ASTN1: variants seen among roughly 807,000 people sequenced by gnomAD.
The protein encoded by ASTN1 is astrotactin 1.
ASTN1 carries 41 observed loss-of-function variants against 140.7 expected under a neutral mutation model. The ratio of observed to expected loss-of-function variants is 0.29; its 90% CI spans 0.23 to 0.38. The LOEUF is 0.38. Among genes scored for constraint, ASTN1 ranks in the 10% least tolerant of loss-of-function variants. The probability of loss-of-function intolerance (pLI) is 1.00; values close to 1 mark genes in which losing one functional copy is unlikely to be tolerated. For missense variants in ASTN1, 1,479 were observed against 1,678.8 expected, an observed-to-expected ratio of 0.88 and a Z score of 2.08; for synonymous variants, 640 against 652.2, an observed-to-expected ratio of 0.98 and a Z score of 0.29.
At chr1:177,019,010 G>T (rs1432773479) in intron 7 of ASTN1, among the ~76,000 whole-genome samples, 2 of 152,330 alleles carry the variant, frequency 1.3e-5, no homozygotes, top group Non-Finnish European at 2.9e-5. Flanking sequence ...GCATCAGGGG[G>T]CTGGGGCTCT....
chr1:177,106,954 G>A (rs1680573598), intron 1 of ASTN1, among the ~76,000 whole-genome samples: 1 of 152,222 alleles, frequency 6.6e-6, no homozygotes, highest in Non-Finnish European at 1.5e-5. Context: ...CTGGGAGCCA[G>A]TGGCAAAGCC....
At chr1:176,887,003 CG>C (rs1297244628) in intron 18 of ASTN1, among the ~76,000 whole-genome samples, 6 of 152,178 alleles carry the variant, frequency 3.9e-5, no homozygotes, top group Non-Finnish European at 7.3e-5. Context: ...AGTTCTGTTT[CG>C]TCTTCCATTG....
At position 176,876,654 on chromosome 1, in the gene ASTN1, G is replaced by A. The variant is rs758273093; in HGVS notation, c.3363-17C>T. The A allele has an allele frequency of 1.2e-6, 2 of 1,612,510 alleles. No individual in the cohort carries two copies. The highest frequency in any genetic ancestry group is 8.5e-7 in the Non-Finnish European group (1 of 1,178,820). The stretch of plus-strand genomic sequence containing the variant: ...AGCGTGAACCTGGCAGGGAGTGGGA[G>A]GGCATGGTTAGCAGAAACAGTGTGG... On this transcript the variant is annotated splice_polypyrimidine_tract_variant and intron_variant, in intron 20 of 22. Coordinates refer to ENST00000361833, the MANE Select transcript of ASTN1 (RefSeq NM_004319.3).
chr1:177,029,407 C>G (rs1484306442), intron 5 of ASTN1: 1 of 735,546 alleles, frequency 1.4e-6, no homozygotes, highest in African/African-American at 1.7e-5. Flanking sequence ...AATTTGGAAA[C>G]TTGTTTGAGA....
chr1:176,884,595 C>T (rs139278400), intron 18 of ASTN1, 105 bp from the exon 19 acceptor site: 22,291 of 1,293,866 alleles, frequency 0.017, 241 homozygotes, highest in Non-Finnish European at 0.022. Context: ...TCCCAACCAA[C>T]TACAAAAATG....
chr1:176,922,098 C>T (rs6670777), intron 16 of ASTN1, among the ~76,000 whole-genome samples: 42,848 of 151,936 alleles, frequency 0.28, 6,090 homozygotes, highest in African/African-American at 0.32. Flanking sequence ...CCCTTATGCC[C>T]CGGAGAATAT....
intron 1 of ASTN1, among the ~76,000 whole-genome samples, chr1:177,064,227 A>G (rs565285124): frequency 2.0e-5 from 3 of 152,322 alleles, no homozygotes; most frequent in East Asian, 1.9e-4. Flanking sequence ...AGCTAAATCC[A>G]TGTAGTCATT....
intron 1 of ASTN1, among the ~76,000 whole-genome samples, chr1:177,149,345 GTATATATATAGTAAATA>G (rs1682895284): frequency 1.5e-5 from 1 of 64,680 alleles, no homozygotes; most frequent in African/African-American, 8.6e-5. Context: ...TATATATATA[GTATATATATAGTAAATA>G]TATATATAGT....
At chr1:176,957,869 G>A in intron 10 of ASTN1, 41 bp from the exon 11 acceptor site, 1 of 1,595,784 alleles carries the variant, frequency 6.3e-7, no homozygotes, top group South Asian at 1.1e-5. Flanking sequence ...GAGTCAAGGA[G>A]ATTCCAGATG....
rs1361621384 is a variant in ASTN1, at chr1:176,864,394, T to G, written c.3775A>C (p.Lys1259Gln). The G allele has an allele frequency of 1.9e-5, 31 of 1,614,012 alleles. No homozygotes were observed. Among genetic ancestry groups the G allele is most frequent in the Non-Finnish European group, 2.6e-5 (31 of 1,180,028 alleles). The change falls in exon 23 of 23, where the codon AAA becomes CAA. Residue 1259 changes from lysine (K) to glutamine (Q), a missense_variant. By Grantham distance (53) the Lys-to-Gln change is moderately conservative. This residue lies in a region of ASTN1 where 746 missense variants were observed against 800.9 expected (regional missense o/e 0.93). Transcript: ENST00000361833. ...KYLGCRYSEIKPYGLDWAELS... is the reference protein window; with the variant it reads ...KYLGCRYSEIQPYGLDWAELS... Reference sequence around the variant, plus strand: ...TCCGCCCAGTCAAGTCCGTAGGGTTTGATCTCGCTGTAGCGGCACCCCAGG... The same window carrying G: ...TCCGCCCAGTCAAGTCCGTAGGGTTGGATCTCGCTGTAGCGGCACCCCAGG...
chr1:177,129,624 T>G (rs1208869292), intron 1 of ASTN1, among the ~76,000 whole-genome samples: 1 of 152,210 alleles, frequency 6.6e-6, no homozygotes, highest in Non-Finnish European at 1.5e-5. Context: ...CCCAGTGACG[T>G]GCTAAAAGTC....
chr1:176,996,283 T>TCA (rs1321343706), intron 8 of ASTN1, among the ~76,000 whole-genome samples: 2 of 121,968 alleles, frequency 1.6e-5, no homozygotes, highest in Non-Finnish European at 3.7e-5. Context: ...TCTCTCTCTC[T>TCA]CTCTCTCACA....
intron 1 of ASTN1, among the ~76,000 whole-genome samples, chr1:177,159,160 G>T (rs1230747112): frequency 6.6e-6 from 1 of 151,522 alleles, no homozygotes; most frequent in Non-Finnish European, 1.5e-5. Flanking sequence ...TAAAAAAGCA[G>T]TTAAAATGTT....
intron 1 of ASTN1, among the ~76,000 whole-genome samples, chr1:177,101,777 C>T (rs982895806): frequency 2.1e-4 from 32 of 152,148 alleles, no homozygotes; most frequent in Admixed American, 9.2e-4. Flanking sequence ...AGTAGATGTC[C>T]TATCAGTAAG....
chr1:177,000,447 A>G (rs1674673659), intron 8 of ASTN1, among the ~76,000 whole-genome samples: 1 of 152,228 alleles, frequency 6.6e-6, no homozygotes, highest in Non-Finnish European at 1.5e-5. Context: ...GATCTAAAGA[A>G]TAGTTGAAGG....
rs111722535 is a variant in ASTN1, at chr1:177,105,540, C to T, written c.284-44275G>A. ...AGCACAATTTGGAAATGTTCTGTGG[C>T]GATTTCAACACTATTAAGACCCCTC... On this transcript the variant is annotated intron_variant, in intron 1 of 22. Coordinates refer to ENST00000361833, the MANE Select transcript of ASTN1 (RefSeq NM_004319.3). Among the ~76,000 whole-genome samples the T allele has an allele frequency of 7.2e-4, 110 of 152,004 alleles. 1 individual carries two copies. The highest frequency in any genetic ancestry group is 1.4e-3 in the African/African-American group (60 of 41,444).
intron 2 of ASTN1, among the ~76,000 whole-genome samples, chr1:177,053,338 G>A (rs900248542): frequency 1.6e-4 from 24 of 152,176 alleles, no homozygotes; most frequent in Non-Finnish European, 8.8e-5. Flanking sequence ...CTTGCTATCT[G>A]CAGAGATGAG....
intron 16 of ASTN1, among the ~76,000 whole-genome samples, chr1:176,916,900 C>T (rs1025067765): frequency 2.4e-4 from 37 of 152,152 alleles, no homozygotes; most frequent in Non-Finnish European, 2.9e-4. Context: ...TCTGCCTCCC[C>T]GCCCCGCCCA....
chr1:177,032,357 T>C (rs912943223), intron 3 of ASTN1, 99 bp downstream of exon 3: 6 of 1,486,708 alleles, frequency 4.0e-6, no homozygotes, highest in East Asian at 4.5e-5. Context: ...CATCACACTA[T>C]GTAGGACAAC....
Sources: allele counts gnomAD v4.1 joint callset (sites outside exome capture counted in the v4.1 genomes callset), GRCh38; gene constraint gnomAD v4.1.1; regional missense constraint gnomAD v4.1.1; transcripts MANE v1.5; gene names NCBI Gene and HGNC (gene_info 2026-07-23, HGNC 2026-07-21).